The following RBM33 variants were observed in gnomAD, a reference collection of about 807,000 sequenced individuals.
RBM33 encodes the protein RNA binding motif protein 33.
A neutral mutation model predicts 132.6 loss-of-function variants in RBM33; 28 were observed. The observed-to-expected ratio is 0.21, with a 90% CI of 0.16 to 0.29. The LOEUF is 0.29. Ranked by LOEUF, RBM33 falls within the 10% of genes least tolerant of loss-of-function variation. The probability of loss-of-function intolerance (pLI) is 1.00; values close to 1 mark genes in which losing one functional copy is unlikely to be tolerated. For missense variants in RBM33, 1,291 were observed against 1,518.5 expected (o/e 0.85, Z 2.49); for synonymous variants, 634 against 593.0 (o/e 1.07, Z -1.01).
chr7:155,688,749 T>G (rs1799547843), intron 5 of RBM33, among the ~76,000 whole-genome samples: 1 of 152,202 alleles, frequency 6.6e-6, no homozygotes, highest in Admixed American at 6.5e-5. Flanking sequence ...GTTTTTGTCT[T>G]TGGTTCTGTT....
chr7:155,673,491 TAC>T (rs1295812610), intron 3 of RBM33, among the ~76,000 whole-genome samples: 2 of 147,244 alleles, frequency 1.4e-5, no homozygotes, highest in Non-Finnish European at 3.0e-5. Flanking sequence ...TGTATATATA[TAC>T]ACACATATAT....
chr7:155,670,592 G>A (rs1798918180), intron 2 of RBM33, among the ~76,000 whole-genome samples: 1 of 152,174 alleles, frequency 6.6e-6, no homozygotes, highest in African/African-American at 2.4e-5. Flanking sequence ...GGGCAAATTA[G>A]CATCTTAGTG....
chr7:155,741,318 T>C (rs1801326895), intron 12 of RBM33, among the ~76,000 whole-genome samples: 1 of 151,930 alleles, frequency 6.6e-6, no homozygotes, highest in Non-Finnish European at 1.5e-5. Flanking sequence ...AAGCATTTCC[T>C]CTCGAGTAAA....
chr7:155,750,067 A>G (rs1170392263), intron 14 of RBM33, among the ~76,000 whole-genome samples: 3 of 152,204 alleles, frequency 2.0e-5, no homozygotes, highest in Non-Finnish European at 4.4e-5. Context: ...GAACAAATTA[A>G]TGCTGCTTAT....
intron 11 of RBM33, chr7:155,738,625 A>G (rs1801211049): frequency 1.4e-5 from 8 of 563,512 alleles, no homozygotes; most frequent in Non-Finnish European, 2.5e-5. Context: ...GGGAATTGAA[A>G]AATGCTACTT....
chr7:155,771,425 A>G (rs1802422861), intron 16 of RBM33, among the ~76,000 whole-genome samples: 2 of 152,242 alleles, frequency 1.3e-5, no homozygotes, highest in African/African-American at 4.8e-5. Context: ...GAGAGGGTAG[A>G]CAGGAAGCAA....
intron 3 of RBM33, among the ~76,000 whole-genome samples, chr7:155,673,761 CAT>C (rs201990138): frequency 0.63 from 81,139 of 128,152 alleles, 25,775 homozygotes; most frequent in South Asian, 0.73. Flanking sequence ...TATACGCGCG[CAT>C]GCGCGCACAC....
At chr7:155,727,327 T>TC (rs1800822369) in intron 9 of RBM33, among the ~76,000 whole-genome samples, 1 of 151,864 alleles carries the variant, frequency 6.6e-6, no homozygotes, top group Non-Finnish European at 1.5e-5. Context: ...AATGTCACCC[T>TC]CCTTATAAGT....
At chr7:155,703,460 T>G (rs748169458) in intron 6 of RBM33, among the ~76,000 whole-genome samples, 1 of 152,122 alleles carries the variant, frequency 6.6e-6, no homozygotes, top group African/African-American at 2.4e-5. Context: ...CTTAACTGGA[T>G]TTTTGTAGAA....
intron 14 of RBM33, among the ~76,000 whole-genome samples, chr7:155,759,594 T>G (rs886838003): frequency 6.6e-6 from 1 of 152,076 alleles, no homozygotes; most frequent in Non-Finnish European, 1.5e-5. Context: ...ATTTTTTTTG[T>G]ATTTTTAGTA....
chr7:155,769,815 G>A (rs565353935), intron 16 of RBM33, among the ~76,000 whole-genome samples: 4 of 152,284 alleles, frequency 2.6e-5, no homozygotes, highest in African/African-American at 9.6e-5. Context: ...TGTCAGACAC[G>A]GATTCCAGAA....
intron 2 of RBM33, among the ~76,000 whole-genome samples, chr7:155,667,363 T>C (rs1192373043): frequency 1.3e-5 from 2 of 152,080 alleles, no homozygotes; most frequent in Non-Finnish European, 2.9e-5. Context: ...TGCTCCTGCC[T>C]TGGCCTCCCA....
intron 14 of RBM33, among the ~76,000 whole-genome samples, chr7:155,754,621 A>C (rs1477086252): frequency 2.0e-5 from 3 of 152,338 alleles, no homozygotes; most frequent in Middle Eastern, 6.8e-3. Flanking sequence ...CAGAGGCTCA[A>C]GGCTTTGGTT....
intron 14 of RBM33, among the ~76,000 whole-genome samples, chr7:155,749,805 A>G (rs1801638413): frequency 6.6e-6 from 1 of 152,220 alleles, no homozygotes; most frequent in African/African-American, 2.4e-5. Flanking sequence ...GGCCCAGGAA[A>G]GGGAGTGCAT....
intron 12 of RBM33, 66 bp downstream of exon 12, chr7:155,740,092 G>T: frequency 6.9e-7 from 1 of 1,446,264 alleles, no homozygotes; most frequent in South Asian, 1.5e-5. Context: ...GGACTTGAGG[G>T]GCATAATATG....
chr7:155,673,940 G>GTTGTTTTTTGTTTTTGTTTTTTTT, intron 3 of RBM33, among the ~76,000 whole-genome samples: 9 of 54,214 alleles, frequency 1.7e-4, no homozygotes, highest in African/African-American at 1.7e-4. Flanking sequence ...TTTAGGCTTA[G>GTTGTTTTTTGTTTTTGTTTTTTTT]TTTTTTTTTT....
At chr7:155,676,375 A>G (rs73734191) in intron 3 of RBM33, among the ~76,000 whole-genome samples, 3,782 of 152,270 alleles carry the variant, frequency 0.025, 143 homozygotes, top group African/African-American at 0.085. Flanking sequence ...TTTTGTATTT[A>G]ACTTCATCAA....
intron 5 of RBM33, chr7:155,685,143 G>A (rs561884602): frequency 2.0e-4 from 257 of 1,312,298 alleles, no homozygotes; most frequent in Admixed American, 9.8e-4. Flanking sequence ...AGCGAAAGTC[G>A]ATACGTATCT....
intron 11 of RBM33, chr7:155,739,241 T>C (rs780096387): frequency 6.6e-6 from 1 of 152,490 alleles, no homozygotes; most frequent in East Asian, 1.9e-4. Flanking sequence ...GCTTTTTTTT[T>C]TGTCTTTTTT....
Sources: gnomAD v4.1 joint callset for allele counts (sites outside exome capture counted in the v4.1 genomes callset) on GRCh38, gnomAD v4.1.1 for gene constraint, MANE v1.5 for transcripts, NCBI Gene and HGNC (gene_info 2026-07-23, HGNC 2026-07-21) for gene names.